Variants in OTUD4 observed in about 807,000 individuals in gnomAD.
The protein encoded by OTUD4 is OTU deubiquitinase 4, also known as OTU domain-containing protein 4.
A neutral mutation model predicts 130.4 loss-of-function variants in OTUD4; 24 were observed. The observed-to-expected ratio is 0.18, with a 90% CI of 0.13 to 0.26. The LOEUF is 0.26. Ranked by LOEUF, OTUD4 falls within the 10% of genes least tolerant of loss-of-function variation. The probability of loss-of-function intolerance (pLI) is 1.00; values close to 1 mark genes in which losing one functional copy is unlikely to be tolerated. For missense variants in OTUD4, 1,031 were observed against 1,329.4 expected, an observed-to-expected ratio of 0.78 and a Z score of 3.49; for synonymous variants, 420 against 472.5, an observed-to-expected ratio of 0.89 and a Z score of 1.44.
In OTUD4 at chr4:145,163,665, A is replaced by T. The variant is rs1353413307; in HGVS notation, c.414+489T>A. Among the ~76,000 whole-genome samples the T allele has an allele frequency of 3.9e-5, 6 of 151,966 alleles. No individual in the cohort carries two copies. The East Asian group carries it at 9.6e-4, about 24-fold the overall frequency. The stretch of plus-strand genomic sequence containing the variant: ...ACAGTAACTTGTGGGAGCAAAAAAA[A>T]TACAAAATAATATGACTAAGTGACA... On this transcript the variant is annotated intron_variant, in intron 5 of 20. Coordinates refer to ENST00000447906, the MANE Select transcript of OTUD4 (RefSeq NM_001366057.1).
In OTUD4 at chr4:145,164,201, G is replaced by T; in HGVS notation, c.367C>A (p.Pro123Thr). 7.1e-7 allele frequency: 1 copy of T among 1,416,954 alleles called. No homozygotes were observed. The highest frequency in any genetic ancestry group is 9.8e-7 in the Non-Finnish European group (1 of 1,023,174). 87.8% of individuals were successfully genotyped at this position (1,416,954 alleles called of 1,614,324 possible). A position where few individuals can be genotyped will look rare whatever the true frequency, so the allele number is the denominator to read the frequency against. ...YRKDFIIYRE[P>T]NVSPSQVTEN... ...GTTACTTGTGAAGGAGAAACATTTG[G>T]TTCCCGATAAATTATAAAATCTTTC... The change falls in exon 5 of 21, where the codon CCA becomes ACA. Residue 123 changes from proline to threonine, a missense_variant. Around this residue, in one of 3 missense-constraint regions of OTUD4, gnomAD observed 77 missense variants for 172.9 expected, o/e 0.45. Coordinates refer to ENST00000447906, the MANE Select transcript of OTUD4 (RefSeq NM_001366057.1).
intron 11 of OTUD4, among the ~76,000 whole-genome samples, chr4:145,151,841 C>G (rs947239729): frequency 7.2e-5 from 11 of 152,156 alleles, no homozygotes; most frequent in Admixed American, 4.6e-4. Context: ...CAAAGATGCT[C>G]TAAAATAACA....
intron 10 of OTUD4, among the ~76,000 whole-genome samples, chr4:145,152,879 C>A (rs1751128835): frequency 6.9e-6 from 1 of 145,512 alleles, no homozygotes; most frequent in East Asian, 2.1e-4. Flanking sequence ...TGACACCACA[C>A]TCGGCTTTTT....
rs114255457 is a variant in OTUD4 at position 145,163,632 on chromosome 4, G to T, written c.414+522C>A. ...TGTTTCTACTAAAATGTTATAAAAG[G>T]GTTAAATACAGTAACTTGTGGGAGC... is the stretch of plus-strand genomic sequence containing the variant. On this transcript the variant is annotated intron_variant, in intron 5 of 20. Coordinates refer to ENST00000447906, the MANE Select transcript of OTUD4 (RefSeq NM_001366057.1). Among the ~76,000 whole-genome samples, 663 of 151,136 alleles carry T rather than the reference G, an allele frequency of 4.4e-3. 6 individuals carry two copies. Among genetic ancestry groups the T allele is most frequent in the African/African-American group, 0.015 (628 of 41,138 alleles).
intron 6 of OTUD4, among the ~76,000 whole-genome samples, chr4:145,160,387 A>G (rs1335540875): frequency 2.6e-5 from 4 of 152,204 alleles, no homozygotes; most frequent in Non-Finnish European, 4.4e-5. Flanking sequence ...GCTTTAAATA[A>G]AGTAAAATTT....
At position 145,138,721 on chromosome 4, in the gene OTUD4, A is replaced by G; in HGVS notation, c.2125-71T>C. 2.2e-6 allele frequency: 3 copies of G among 1,385,450 alleles called. No individual in the cohort carries two copies. In the South Asian group the frequency reaches 4.2e-5, roughly 19 times the overall value. The allele number at this position is 1,385,450 out of a possible 1,614,324, so 85.8% of individuals were successfully genotyped here. A position where few individuals can be genotyped will look rare whatever the true frequency, so the allele number is the denominator to read the frequency against. ...GAGAGGTTTGGGTGGATATCAATCT[A>G]CAAGTACTAGGGTCAAAATAAGTTT... On this transcript the variant is annotated intron_variant, in intron 20 of 20. Transcript: ENST00000447906.
intron 10 of OTUD4, among the ~76,000 whole-genome samples, chr4:145,154,265 G>T (rs1751183759): frequency 6.6e-6 from 1 of 152,178 alleles, no homozygotes; most frequent in Non-Finnish European, 1.5e-5. Flanking sequence ...AATTAGAGCA[G>T]ATTTATGACA....
intron 3 of OTUD4, among the ~76,000 whole-genome samples, chr4:145,168,413 T>TAAAAAAAAAAAAAAAAAA (rs11432018): frequency 8.1e-6 from 1 of 122,872 alleles, no homozygotes; most frequent in Admixed American, 8.3e-5. Flanking sequence ...AATAAAAAAT[T>TAAAAAAAAAAAAAAAAAA]AAAAAAAAAA....
At position 145,180,519 on chromosome 4, in the gene OTUD4, G is replaced by C. The variant is rs933964372; in HGVS notation, c.-546C>G. 2.6e-5 allele frequency among the ~76,000 whole-genome samples: 4 copies of C among 152,250 alleles called. No individual in the cohort carries two copies. Among genetic ancestry groups the C allele is most frequent in the African/African-American group, 9.6e-5 (4 of 41,476 alleles). ...GGAGGGGCAGGGAGCGGGTGGGGGCGCCCGGGAGAGAACAGCACCTCGCAG... is the reference window on the plus strand; with the variant it reads ...GGAGGGGCAGGGAGCGGGTGGGGGCCCCCGGGAGAGAACAGCACCTCGCAG... On this transcript the variant is annotated 5_prime_UTR_variant, in exon 1 of 21. Coordinates refer to ENST00000447906, the MANE Select transcript of OTUD4 (RefSeq NM_001366057.1).
chr4:145,141,086 T>C (rs1191698925), intron 19 of OTUD4, among the ~76,000 whole-genome samples: 2 of 151,354 alleles, frequency 1.3e-5, no homozygotes, highest in African/African-American at 4.9e-5. Context: ...GGAGAATTGT[T>C]TGAATCTGGG....
intron 13 of OTUD4, among the ~76,000 whole-genome samples, chr4:145,148,978 C>T (rs890398364): frequency 1.2e-4 from 18 of 152,108 alleles, no homozygotes; most frequent in South Asian, 6.2e-4. Context: ...GGTAATATAA[C>T]GGATTAGAAT....
At position 145,137,655 on chromosome 4, in the gene OTUD4, C is replaced by T; in HGVS notation, c.3120G>A (p.Lys1040=). 3 of 1,613,702 alleles carry T rather than the reference C, an allele frequency of 1.9e-6. No homozygotes were observed. Among genetic ancestry groups the T allele is most frequent in the Non-Finnish European group, 2.5e-6 (3 of 1,179,780 alleles). ...VSNILRSGRS[K]QFYNQTYGSR... is the part of the protein sequence containing the mutation. The stretch of plus-strand genomic sequence containing the variant: ...TTCCATAAGTTTGATTATAGAACTG[C>T]TTGGATCTACCACTTCTCAAAATAT... Residue 1040 remains lysine (K), a synonymous_variant, in exon 21 of 21, where the codon AAG becomes AAA. Transcript: ENST00000447906.
chr4:145,167,336 C>A (rs1411046251), intron 3 of OTUD4, among the ~76,000 whole-genome samples: 1 of 152,146 alleles, frequency 6.6e-6, no homozygotes, highest in African/African-American at 2.4e-5. Flanking sequence ...AGAGACTTTT[C>A]AATAGTTCTT....
intron 13 of OTUD4, among the ~76,000 whole-genome samples, chr4:145,147,302 C>T (rs1750871665): frequency 6.6e-6 from 1 of 151,882 alleles, no homozygotes; most frequent in Admixed American, 6.6e-5. Context: ...TTACACAGTC[C>T]CATTTATAAT....
At position 145,135,523 on chromosome 4, in the gene OTUD4, A is replaced by G. The variant is rs886900446; in HGVS notation, c.*1907T>C. 6.6e-6 allele frequency: 1 copy of G among 152,254 alleles called. No homozygotes were observed. 9.4% of individuals were successfully genotyped at this position (152,254 alleles called of 1,614,324 possible). On this transcript the variant is annotated 3_prime_UTR_variant, in exon 21 of 21. Coordinates refer to ENST00000447906, the MANE Select transcript of OTUD4 (RefSeq NM_001366057.1). ...GTCCTACATAAAAAAGCATGAGCTG[A>G]AAGTGGAGGACCCTCTATCTTCTCA...
intron 2 of OTUD4, among the ~76,000 whole-genome samples, chr4:145,173,408 A>G (rs1280029686): frequency 1.3e-5 from 2 of 152,074 alleles, no homozygotes; most frequent in Admixed American, 6.6e-5. Context: ...AAAAAAAATT[A>G]TATGGACTAA....
At chr4:145,148,323 G>C (rs957301931) in intron 13 of OTUD4, among the ~76,000 whole-genome samples, 2 of 152,030 alleles carry the variant, frequency 1.3e-5, no homozygotes, top group African/African-American at 4.8e-5. Context: ...AACATGGTAA[G>C]ACCCCGTCTT....
intron 10 of OTUD4, among the ~76,000 whole-genome samples, chr4:145,153,849 T>G (rs1180271846): frequency 6.6e-6 from 1 of 152,224 alleles, no homozygotes; most frequent in African/African-American, 2.4e-5. Flanking sequence ...ATAAAAAAAT[T>G]CTTTTCTGAA....
chr4:145,138,594 G>A lies in OTUD4; in HGVS notation c.2181C>T (p.Ala727=), dbSNP rs1750400288. The A allele has an allele frequency of 6.2e-7, 1 of 1,613,828 alleles. No individual in the cohort carries two copies. Among genetic ancestry groups the A allele is most frequent in the Non-Finnish European group, 8.5e-7 (1 of 1,179,742 alleles). The change falls in exon 21 of 21, where the codon GCC becomes GCT. Residue 727 remains alanine (A), a synonymous_variant. Coordinates refer to ENST00000447906, the MANE Select transcript of OTUD4 (RefSeq NM_001366057.1). ...PHSYLYPLHQ[A]YLAACRMYPK... The stretch of plus-strand genomic sequence containing the variant: ...GGTACATCCTGCAGGCTGCCAGGTA[G>A]GCCTGGTGCAGAGGGTACAGGTAAG...
Sources: gnomAD v4.1 joint callset for allele counts (sites outside exome capture counted in the v4.1 genomes callset) on GRCh38, gnomAD v4.1.1 for gene constraint, gnomAD v4.1.1 regional missense constraint, MANE v1.5 for transcripts, NCBI Gene and HGNC (gene_info 2026-07-23, HGNC 2026-07-21) for gene names.